Variants in PDCD7 observed in about 807,000 individuals in gnomAD.
PDCD7 encodes the protein programmed cell death 7.
A neutral mutation model predicts 42.1 loss-of-function variants in PDCD7; 40 were observed. That is an observed-to-expected ratio of 0.95 (90% confidence interval 0.74 to 1.24). The LOEUF (loss-of-function observed/expected upper bound fraction) is 1.24, where lower values mean the gene tolerates loss of function less well. PDCD7 is among the 50% of genes most tolerant of loss of function. The pLI is 0.00. For missense variants in PDCD7, 644 were observed against 662.8 expected (o/e 0.97, Z 0.31); for synonymous variants, 299 against 303.3 (o/e 0.99, Z 0.15).
chr15:65,125,510 C>A (rs931235315), intron 2 of PDCD7, among the ~76,000 whole-genome samples: 3 of 152,180 alleles, frequency 2.0e-5, no homozygotes, highest in African/African-American at 7.2e-5. Flanking sequence ...CTGGCTTCTA[C>A]CCCCACCACT....
At chr15:65,132,228 T>C (rs543924623) in intron 1 of PDCD7, among the ~76,000 whole-genome samples, 3 of 151,494 alleles carry the variant, frequency 2.0e-5, no homozygotes, top group Admixed American at 6.6e-5. Context: ...GAAATCACTA[T>C]TGCCCCATCA....
At chr15:65,128,158 T>G (rs769546060) in intron 2 of PDCD7, among the ~76,000 whole-genome samples, 6 of 152,176 alleles carry the variant, frequency 3.9e-5, no homozygotes, top group Non-Finnish European at 7.3e-5. Context: ...TTTGTTAGAG[T>G]GGCATTTGCT....
rs1474272960 is a variant in PDCD7 at position 65,133,148 on chromosome 15, T to C, written c.634A>G (p.Thr212Ala). The part of the protein sequence containing the change: ...GAAWVLLYSQ[T>A]APLRAELAER... ...GCCAGTTCCGCGCGCAGCGGCGCGG[T>C]CTGGGAGTACAGCAGGACCCAGGCC... is the stretch of plus-strand genomic sequence containing the variant. Residue 212 changes from threonine to alanine, a missense_variant, in exon 1 of 5, where the codon ACC becomes GCC. Physicochemically the swap from Thr to Ala is moderately conservative, Grantham distance 58 (BLOSUM62 0). Coordinates refer to ENST00000204549, the MANE Select transcript of PDCD7 (RefSeq NM_005707.2). The C allele has an allele frequency of 1.4e-5, 21 of 1,531,218 alleles. No individual in the cohort carries two copies. The highest frequency in any genetic ancestry group is 1.8e-5 in the Non-Finnish European group (21 of 1,145,702). The allele number at this position is 1,531,218 out of a possible 1,614,324, so 94.9% of individuals were successfully genotyped here. A position where few individuals can be genotyped will look rare whatever the true frequency, so the allele number is the denominator to read the frequency against.
rs200913681 is a variant in PDCD7, at chr15:65,132,918, C to T, written c.864G>A (p.Lys288=). ...RVKCVQEVEE[K]KREQELKAAA... is the part of the protein sequence containing the mutation. The stretch of plus-strand genomic sequence containing the variant: ...GAGCGGCCGCTGCTCTCACCCGCTT[C>T]TTCTCCTCCACCTCCTGCACACACT... The change falls in exon 1 of 5, where the codon AAG becomes AAA. Residue 288 remains lysine, a synonymous_variant. Coordinates refer to ENST00000204549, the MANE Select transcript of PDCD7 (RefSeq NM_005707.2). 1.9e-6 allele frequency: 3 copies of T among 1,603,906 alleles called. No individual in the cohort carries two copies. Among genetic ancestry groups the T allele is most frequent in the Non-Finnish European group, 2.5e-6 (3 of 1,179,748 alleles).
Position 65,117,804 on chromosome 15 carries a change from G to T in PDCD7, c.*913C>A, listed in dbSNP as rs1030152063. The stretch of plus-strand genomic sequence containing the variant: ...CCCGCCTCGGCCTCCCAAAGTGTTG[G>T]GATTACAGGCGTGAGCCACTGTGCC... On this transcript the variant is annotated 3_prime_UTR_variant, in exon 5 of 5. Transcript: ENST00000204549. 1 of 152,138 alleles carries T rather than the reference G, an allele frequency of 6.6e-6. No individual in the cohort carries two copies. The highest frequency in any genetic ancestry group is 1.5e-5 in the Non-Finnish European group (1 of 68,064). The allele number at this position is 152,138 out of a possible 1,614,324, so 9.4% of individuals were successfully genotyped here. A position where few individuals can be genotyped will look rare whatever the true frequency, so the allele number is the denominator to read the frequency against.
chr15:65,126,434 C>A (rs954721908), intron 2 of PDCD7, among the ~76,000 whole-genome samples: 2 of 152,162 alleles, frequency 1.3e-5, no homozygotes, highest in African/African-American at 4.8e-5. Flanking sequence ...TAAACCTGTT[C>A]CTCCTCCCTT....
rs376025465 is a variant in PDCD7, at chr15:65,118,788, C to A, written c.1387G>T (p.Val463Phe). The change falls in exon 5 of 5, where the codon GTT (valine) becomes TTT (phenylalanine). Residue 463 changes from valine to phenylalanine, a missense_variant. Coordinates refer to ENST00000204549, the MANE Select transcript of PDCD7 (RefSeq NM_005707.2). ...VPSDHPKGNFVPQGWVLPPLP... is the reference protein window; with the variant it reads ...VPSDHPKGNFFPQGWVLPPLP... Reference sequence around the variant, plus strand: ...GGGGGAAGGACCCATCCTTGGGGAACGAAGTTGCCTTTGGGATGATCGGAT... The same window carrying A: ...GGGGGAAGGACCCATCCTTGGGGAAAGAAGTTGCCTTTGGGATGATCGGAT... The A allele has an allele frequency of 2.5e-6, 4 of 1,610,696 alleles. No homozygotes were observed. In the South Asian group the frequency reaches 4.4e-5, roughly 18 times the overall value.
chr15:65,129,826 G>A (rs979483605), intron 1 of PDCD7, among the ~76,000 whole-genome samples: 2 of 151,864 alleles, frequency 1.3e-5, no homozygotes, highest in African/African-American at 2.4e-5. Context: ...AGGCTAAGGC[G>A]AGAGGATCAC....
intron 1 of PDCD7, among the ~76,000 whole-genome samples, chr15:65,130,651 C>G (rs1566973195): frequency 6.6e-6 from 1 of 152,116 alleles, no homozygotes; most frequent in South Asian, 2.1e-4. Flanking sequence ...GGAACTGCAC[C>G]TATTACCTTC....
intron 2 of PDCD7, 118 bp downstream of exon 2, chr15:65,128,914 C>T: frequency 8.2e-7 from 1 of 1,221,300 alleles, no homozygotes; most frequent in Non-Finnish European, 1.2e-6. Context: ...GCCCAGTTAC[C>T]CGACAAGGTG....
At position 65,118,228 on chromosome 15, in the gene PDCD7, A is replaced by G. The variant is rs1017496235; in HGVS notation, c.*489T>C. 6.6e-6 allele frequency: 1 copy of G among 152,350 alleles called. No individual in the cohort carries two copies. The highest frequency in any genetic ancestry group is 2.4e-5 in the African/African-American group (1 of 41,456). The allele number at this position is 152,350 out of a possible 1,614,324, so 9.4% of individuals were successfully genotyped here. On this transcript the variant is annotated 3_prime_UTR_variant, in exon 5 of 5. Transcript: ENST00000204549. ...CTAAAACTGGGATTAACACAACTGA[A>G]GATAACATTTTTGACCTTTCTTCCT...
chr15:65,130,283 A>G (rs1251254643), intron 1 of PDCD7, among the ~76,000 whole-genome samples: 2 of 150,026 alleles, frequency 1.3e-5, no homozygotes, highest in South Asian at 2.1e-4. Flanking sequence ...CAGCCTCCCA[A>G]TTAGCTGGGT....
rs1002854691 is a variant in PDCD7, at chr15:65,133,206, G to C, written c.576C>G (p.Ser192Arg). The C allele has an allele frequency of 1.4e-6, 2 of 1,391,534 alleles. No individual in the cohort carries two copies. The highest frequency in any genetic ancestry group is 9.2e-7 in the Non-Finnish European group (1 of 1,082,944). The allele number at this position is 1,391,534 out of a possible 1,614,324, so 86.2% of individuals were successfully genotyped here. The change falls in exon 1 of 5, where the codon AGC becomes AGG. Residue 192 changes from serine to arginine, a missense_variant. Physicochemically the swap from Ser to Arg is moderately radical, Grantham distance 110. Coordinates refer to ENST00000204549, the MANE Select transcript of PDCD7 (RefSeq NM_005707.2). ...CGGCTTCGGCCTCGCGCAGGGCCTG[G>C]CTCAGGCCGCGCAGCCGCCGCACCA... ...LRLVRRLRGL[S>R]QALREAEADG...
At chr15:65,119,497 G>T in intron 3 of PDCD7, 34 bp from the exon 4 acceptor site, 1 of 1,453,722 alleles carries the variant, frequency 6.9e-7, no homozygotes, top group Non-Finnish European at 9.7e-7. Flanking sequence ...ACGTTATCAT[G>T]CTTGATATCC....
Position 65,133,723 on chromosome 15 carries a change from G to A in PDCD7, c.59C>T (p.Pro20Leu). 7.6e-7 allele frequency: 1 copy of A among 1,314,168 alleles called. No individual in the cohort carries two copies. The highest frequency in any genetic ancestry group is 9.7e-7 in the Non-Finnish European group (1 of 1,027,320). 81.4% of individuals were successfully genotyped at this position (1,314,168 alleles called of 1,614,324 possible). A position where few individuals can be genotyped will look rare whatever the true frequency, so the allele number is the denominator to read the frequency against. ...CGGACAGCCGAAAGGAGCAGGAGGCGGCGGCTGCGGGGGCGGTGGGCCTGG... is the reference window on the plus strand; with the variant it reads ...CGGACAGCCGAAAGGAGCAGGAGGCAGCGGCTGCGGGGGCGGTGGGCCTGG... ...GRPGPPPPQP[P>L]PPAPFGCPPP... Residue 20 changes from proline to leucine, a missense_variant, in exon 1 of 5, where the codon CCG becomes CTG. Transcript: ENST00000204549.
chr15:65,124,590 C>T (rs1413111382), intron 2 of PDCD7, among the ~76,000 whole-genome samples: 1 of 152,196 alleles, frequency 6.6e-6, no homozygotes, highest in Non-Finnish European at 1.5e-5. Context: ...CCTTTAGCCA[C>T]ATGCCTGCAG....
In PDCD7 at chr15:65,133,283, C is replaced by G. The variant is rs1290329162; in HGVS notation, c.499G>C (p.Ala167Pro). The change falls in exon 1 of 5, where the codon GCC (alanine) becomes CCC (proline). Residue 167 changes from alanine (A) to proline (P), a missense_variant. Physicochemically the swap from Ala to Pro is conservative, Grantham distance 27 (BLOSUM62 -1). Coordinates refer to ENST00000204549, the MANE Select transcript of PDCD7 (RefSeq NM_005707.2). ...CGCACTTCGCCAAGGCTGGGCCCGG[C>G]ATGCGTGCGCTGGGGCACCGGACAG... Reference protein sequence around the residue: ...AGCPVPQRTHAGPSLGEVRAR... With the variant: ...AGCPVPQRTHPGPSLGEVRAR... 1 of 1,321,628 alleles carries G rather than the reference C, an allele frequency of 7.6e-7. No individual in the cohort carries two copies. The highest frequency in any genetic ancestry group is 1.5e-5 in the African/African-American group (1 of 64,778). 81.9% of individuals were successfully genotyped at this position (1,321,628 alleles called of 1,614,324 possible).
intron 1 of PDCD7, 23 bp downstream of exon 1, chr15:65,132,889 C>G (rs1164097576): frequency 6.2e-7 from 1 of 1,600,656 alleles, no homozygotes; most frequent in Non-Finnish European, 8.5e-7. Flanking sequence ...ACTCCTACCC[C>G]CATGAGCGGC....
At chr15:65,130,154 CTTT>C (rs886281618) in intron 1 of PDCD7, among the ~76,000 whole-genome samples, 1 of 103,662 alleles carries the variant, frequency 9.6e-6, no homozygotes, top group Non-Finnish European at 2.0e-5. Flanking sequence ...CCCCAACCCT[CTTT>C]TTTTTTTTTT....
Sources: gnomAD v4.1 joint callset for allele counts (sites outside exome capture counted in the v4.1 genomes callset) on GRCh38, gnomAD v4.1.1 for gene constraint, MANE v1.5 for transcripts, NCBI Gene and HGNC (gene_info 2026-07-23, HGNC 2026-07-21) for gene names.